Variants in MCTP1 observed in about 807,000 individuals in gnomAD.
MCTP1 encodes multiple C2 and transmembrane domain containing 1.
A neutral mutation model predicts 120.6 loss-of-function variants in MCTP1; 69 were observed. The ratio of observed to expected loss-of-function variants is 0.57; its 90% confidence interval spans 0.47 to 0.70. The LOEUF (loss-of-function observed/expected upper bound fraction) is 0.70, where lower values mean the gene tolerates loss of function less well. Ranked by LOEUF, MCTP1 falls within the 30% of genes least tolerant of loss-of-function variation. MCTP1 has a pLI of 0.00. For synonymous variants in MCTP1, 529 were observed against 493.1 expected (o/e 1.07, Z -0.96); for missense variants, 1,203 against 1,248.8 (o/e 0.96, Z 0.55).
intron 21 of MCTP1, 191 bp from the exon 22 acceptor site, chr5:94,708,800 T>C: frequency 2.1e-6 from 1 of 485,244 alleles, no homozygotes; most frequent in Non-Finnish European, 3.7e-6. Flanking sequence ...TAGTAGCTTC[T>C]TCCAAGCAGG....
intron 7 of MCTP1, among the ~76,000 whole-genome samples, chr5:94,923,264 C>A (rs548878386): frequency 1.3e-5 from 2 of 151,816 alleles, no homozygotes; most frequent in African/African-American, 2.4e-5. Context: ...AAGCATATAC[C>A]AAGTGTGAAT....
intron 1 of MCTP1, among the ~76,000 whole-genome samples, chr5:95,142,228 G>T (rs1466289814): frequency 1.3e-5 from 2 of 152,078 alleles, no homozygotes; most frequent in African/African-American, 4.8e-5. Flanking sequence ...CTTGGTCATT[G>T]TCTCCAGAAA....
chr5:94,758,950 G>T (rs1371540603), intron 19 of MCTP1, among the ~76,000 whole-genome samples: 5 of 152,080 alleles, frequency 3.3e-5, no homozygotes, highest in Non-Finnish European at 7.4e-5. Context: ...CTATGGATTT[G>T]CCTTTTTTAA....
intron 1 of MCTP1, among the ~76,000 whole-genome samples, chr5:95,077,386 T>C (rs185330118): frequency 1.3e-4 from 20 of 152,338 alleles, no homozygotes; most frequent in African/African-American, 4.3e-4. Context: ...TTTCTCTGCA[T>C]ATGAATAATG....
chr5:95,099,302 C>T (rs1312458707), intron 1 of MCTP1, among the ~76,000 whole-genome samples: 1 of 151,886 alleles, frequency 6.6e-6, no homozygotes, highest in Non-Finnish European at 1.5e-5. Context: ...AGCTTCTGCA[C>T]AGCAAAAGAA....
At chr5:94,901,357 G>A (rs1257046461) in intron 10 of MCTP1, among the ~76,000 whole-genome samples, 1 of 152,078 alleles carries the variant, frequency 6.6e-6, no homozygotes, top group Non-Finnish European at 1.5e-5. Context: ...CCCACACAAT[G>A]GAAATTATGG....
intron 1 of MCTP1, among the ~76,000 whole-genome samples, chr5:95,032,821 A>T (rs1581940055): frequency 1.3e-5 from 2 of 152,232 alleles, no homozygotes; most frequent in South Asian, 4.1e-4. Flanking sequence ...AAGGATAAAC[A>T]GAATTGATAG....
intron 1 of MCTP1, among the ~76,000 whole-genome samples, chr5:95,141,102 T>A (rs1759896684): frequency 6.6e-6 from 1 of 152,074 alleles, no homozygotes; most frequent in Non-Finnish European, 1.5e-5. Context: ...CTAAAAACCT[T>A]AAAGACGGGG....
At chr5:95,218,948 T>C (rs561978321) in intron 1 of MCTP1, among the ~76,000 whole-genome samples, 1 of 152,358 alleles carries the variant, frequency 6.6e-6, no homozygotes, top group Admixed American at 6.5e-5. Context: ...CACTATTGTA[T>C]ATGCATTTCA....
At chr5:95,237,366 C>T (rs960117029) in intron 1 of MCTP1, among the ~76,000 whole-genome samples, 1 of 152,096 alleles carries the variant, frequency 6.6e-6, no homozygotes, top group African/African-American at 2.4e-5. Context: ...ACGGTTTTTG[C>T]CATTAAAAAT....
chr5:95,090,517 G>C (rs1265799559), intron 1 of MCTP1, among the ~76,000 whole-genome samples: 2 of 152,162 alleles, frequency 1.3e-5, no homozygotes, highest in Non-Finnish European at 2.9e-5. Flanking sequence ...TCACAAGGCA[G>C]AGCAGGTATG....
chr5:94,793,134 C>T (rs1046524585), intron 18 of MCTP1, among the ~76,000 whole-genome samples: 8 of 152,006 alleles, frequency 5.3e-5, no homozygotes, highest in African/African-American at 1.9e-4. Context: ...GGTGGGGGGA[C>T]TTGGGATGAG....
intron 1 of MCTP1, among the ~76,000 whole-genome samples, chr5:95,066,374 A>G (rs1750662564): frequency 6.6e-6 from 1 of 152,226 alleles, no homozygotes; most frequent in Admixed American, 6.5e-5. Flanking sequence ...ATGTGAAGAA[A>G]TGAGAACCCA....
At chr5:94,723,479 TC>T (rs1269140612) in intron 19 of MCTP1, among the ~76,000 whole-genome samples, 1 of 152,200 alleles carries the variant, frequency 6.6e-6, no homozygotes. Context: ...CTTGTCAGAG[TC>T]TATTTTAGAA....
chr5:94,932,192 T>C (rs1017598543), intron 5 of MCTP1, among the ~76,000 whole-genome samples: 1 of 137,666 alleles, frequency 7.3e-6, no homozygotes, highest in African/African-American at 2.7e-5. Context: ...CTGGTGAGAG[T>C]TCATTTGATT....
chr5:94,779,022 T>G (rs1390565520), intron 19 of MCTP1, 88 bp downstream of exon 19: 3 of 1,225,274 alleles, frequency 2.4e-6, no homozygotes, highest in Non-Finnish European at 3.6e-6. Context: ...CTCAAACACT[T>G]CAACTCCTTT....
At chr5:95,198,442 T>C (rs1750632961) in intron 1 of MCTP1, among the ~76,000 whole-genome samples, 1 of 152,184 alleles carries the variant, frequency 6.6e-6, no homozygotes, top group Non-Finnish European at 1.5e-5. Flanking sequence ...TATGAGATAT[T>C]CCATACTTTA....
chr5:95,127,417 C>G (rs1050555502), intron 1 of MCTP1, among the ~76,000 whole-genome samples: 1 of 152,126 alleles, frequency 6.6e-6, no homozygotes, highest in African/African-American at 2.4e-5. Context: ...AGGGCAGATT[C>G]TGGGGGCTCC....
Position 94,768,635 on chromosome 5 carries a change from A to C in MCTP1, c.2610+10475T>G, listed in dbSNP as rs144044067. 3.9e-3 allele frequency among the ~76,000 whole-genome samples: 598 copies of C among 152,296 alleles called. 17 individuals carry two copies. The highest frequency in any genetic ancestry group is 1.0e-3 in the Non-Finnish European group (69 of 67,998). ...AAATGGCTAACAGACATATGAAAAA[A>C]TGCTCAATATCACTAAATACTGGAG... On this transcript the variant is annotated intron_variant, in intron 19 of 22. Coordinates refer to ENST00000515393, the MANE Select transcript of MCTP1 (RefSeq NM_024717.7).
Sources: allele counts gnomAD v4.1 joint callset (sites outside exome capture counted in the v4.1 genomes callset), GRCh38; gene constraint gnomAD v4.1.1; transcripts MANE v1.5; gene names NCBI Gene and HGNC (gene_info 2026-07-23, HGNC 2026-07-21).